Variants in STK32B observed in about 807,000 individuals in gnomAD.
STK32B encodes serine/threonine kinase 32B.
STK32B carries 43 observed loss-of-function variants against 52.6 expected under a neutral mutation model. That is an observed-to-expected ratio of 0.82 (90% CI 0.64 to 1.05). The LOEUF is 1.05. Among genes scored for constraint, STK32B ranks in the 50% least tolerant of loss-of-function variants. The probability of loss-of-function intolerance (pLI) is 0.00; values close to 1 mark genes in which losing one functional copy is unlikely to be tolerated. For missense variants in STK32B, 621 were observed against 534.6 expected (o/e 1.16, Z -1.59); for synonymous variants, 238 against 204.3 (o/e 1.17, Z -1.41).
rs900272584 is a variant in STK32B, at chr4:5,496,191, C to T, written c.1107-2754C>T. Among the ~76,000 whole-genome samples, 3 of 152,250 alleles carry T rather than the reference C, an allele frequency of 2.0e-5. 1 individual carries two copies. The South Asian group carries it at 6.2e-4, about 31-fold the overall frequency. ...GCCCTGCCCCCAGAGGTGGAGCCTACAGAGGCAGGCAAGCCTCCTTGAGCT... is the reference window on the plus strand; with the variant it reads ...GCCCTGCCCCCAGAGGTGGAGCCTATAGAGGCAGGCAAGCCTCCTTGAGCT... On this transcript the variant is annotated intron_variant, in intron 11 of 11. Coordinates refer to ENST00000282908, the MANE Select transcript of STK32B (RefSeq NM_018401.3).
At position 5,219,857 on chromosome 4, in the gene STK32B, T is replaced by C. The variant is rs940983376; in HGVS notation, c.260+51407T>C. ...GCTTATTTCTGTCACTAGCCGCTTT[T>C]TGGAGATTGTTGCTTTGGTGCAGGA... is the stretch of plus-strand genomic sequence containing the variant. On this transcript the variant is annotated intron_variant, in intron 3 of 11. Coordinates refer to ENST00000282908, the MANE Select transcript of STK32B (RefSeq NM_018401.3). Among the ~76,000 whole-genome samples the C allele has an allele frequency of 1.3e-5, 2 of 152,174 alleles. 1 individual carries two copies. Among genetic ancestry groups the C allele is most frequent in the East Asian group, 3.8e-4 (2 of 5,198 alleles).
intron 3 of STK32B, among the ~76,000 whole-genome samples, chr4:5,275,552 T>C (rs1353035611): frequency 6.6e-6 from 1 of 152,010 alleles, no homozygotes; most frequent in African/African-American, 2.4e-5. Flanking sequence ...TTGAACCTTC[T>C]GTGAATCAGT....
chr4:5,102,706 T>G (rs1343603404), intron 1 of STK32B, among the ~76,000 whole-genome samples: 2 of 151,482 alleles, frequency 1.3e-5, no homozygotes, highest in African/African-American at 4.8e-5. Flanking sequence ...TAATTTTTTT[T>G]TTTGTTTTTA....
chr4:5,417,021 C>G, intron 6 of STK32B, 87 bp downstream of exon 6: 1 of 1,202,930 alleles, frequency 8.3e-7, no homozygotes, highest in Non-Finnish European at 1.2e-6. Flanking sequence ...TGCCACTGCC[C>G]GCTGCCACAT....
intron 1 of STK32B, among the ~76,000 whole-genome samples, chr4:5,113,495 C>A (rs955211889): frequency 1.3e-5 from 2 of 151,820 alleles, no homozygotes; most frequent in Non-Finnish European, 2.9e-5. Context: ...ATAAGTACTT[C>A]GTGTTATAAG....
intron 3 of STK32B, among the ~76,000 whole-genome samples, chr4:5,286,261 C>G (rs1178664262): frequency 1.3e-5 from 2 of 152,156 alleles, no homozygotes; most frequent in Admixed American, 1.3e-4. Context: ...AGATGAGCCA[C>G]AAAACTAGAC....
At chr4:5,307,237 A>G (rs1205795761) in intron 3 of STK32B, among the ~76,000 whole-genome samples, 1 of 152,178 alleles carries the variant, frequency 6.6e-6, no homozygotes, top group East Asian at 1.9e-4. Context: ...CTTGTTTTCC[A>G]AACTTTTAGA....
intron 11 of STK32B, among the ~76,000 whole-genome samples, chr4:5,488,572 T>C (rs1281421589): frequency 1.3e-5 from 2 of 152,204 alleles, no homozygotes; most frequent in Non-Finnish European, 2.9e-5. Flanking sequence ...AAATTTCCCT[T>C]TCACAAGCCT....
In STK32B at chr4:5,139,250, G is replaced by A. The variant is rs189404958; in HGVS notation, c.53-655G>A. Reference sequence around the variant, plus strand: ...TTTTGCACATATAGGACCAGTGAACGTTGAGACCACTCATCCTGCATTCTG... The same window carrying A: ...TTTTGCACATATAGGACCAGTGAACATTGAGACCACTCATCCTGCATTCTG... On this transcript the variant is annotated intron_variant, in intron 1 of 11. Transcript: ENST00000282908. Among the ~76,000 whole-genome samples the A allele has an allele frequency of 7.7e-4, 117 of 152,246 alleles. No homozygotes were observed. In the Middle Eastern group the frequency reaches 0.01, roughly 13 times the overall value.
At chr4:5,160,260 T>C (rs936991601) in intron 2 of STK32B, among the ~76,000 whole-genome samples, 1 of 152,180 alleles carries the variant, frequency 6.6e-6, no homozygotes, top group African/African-American at 2.4e-5. Flanking sequence ...AGATGGATGC[T>C]GATCACACAA....
intron 3 of STK32B, among the ~76,000 whole-genome samples, chr4:5,240,874 A>G (rs905220413): frequency 7.9e-5 from 12 of 152,280 alleles, no homozygotes; most frequent in African/African-American, 2.6e-4. Context: ...ATTTGTGTGT[A>G]TCTGAGCTCA....
At chr4:5,354,587 A>G (rs1415012148) in intron 4 of STK32B, among the ~76,000 whole-genome samples, 3 of 152,338 alleles carry the variant, frequency 2.0e-5, no homozygotes, top group Non-Finnish European at 4.4e-5. Flanking sequence ...GTGAGTTCTA[A>G]TGCTCCATAG....
At chr4:5,319,579 A>G (rs1183322406) in intron 3 of STK32B, among the ~76,000 whole-genome samples, 5 of 152,080 alleles carry the variant, frequency 3.3e-5, no homozygotes, top group Admixed American at 2.6e-4. Flanking sequence ...GCACCCAGGC[A>G]TACAGAGCTG....
intron 3 of STK32B, among the ~76,000 whole-genome samples, chr4:5,198,975 G>C (rs1032763960): frequency 6.6e-6 from 1 of 152,124 alleles, no homozygotes; most frequent in Non-Finnish European, 1.5e-5. Context: ...ATCAGCCTAA[G>C]CCACTCTGAC....
chr4:5,293,012 G>C (rs938373678), intron 3 of STK32B, among the ~76,000 whole-genome samples: 4 of 151,934 alleles, frequency 2.6e-5, no homozygotes, highest in Non-Finnish European at 4.4e-5. Flanking sequence ...TCATTGTTCA[G>C]CTCCCACTTA....
chr4:5,050,708 G>C (rs1415781941), upstream of STK32B, among the ~76,000 whole-genome samples: 1 of 152,202 alleles, frequency 6.6e-6, no homozygotes, highest in Non-Finnish European at 1.5e-5. Flanking sequence ...CCCTCAGGGA[G>C]CGTCCTGGGA....
At chr4:5,241,505 A>G (rs1046073659) in intron 3 of STK32B, among the ~76,000 whole-genome samples, 1 of 152,180 alleles carries the variant, frequency 6.6e-6, no homozygotes, top group African/African-American at 2.4e-5. Context: ...AATCCATTGG[A>G]ATTCCAAAAC....
At chr4:5,172,088 C>G (rs1286008305) in intron 3 of STK32B, among the ~76,000 whole-genome samples, 1 of 148,670 alleles carries the variant, frequency 6.7e-6, no homozygotes. Context: ...TGGGAGTTAA[C>G]TCATGATTTG....
At chr4:5,468,812 T>C (rs1374519306) in intron 11 of STK32B, among the ~76,000 whole-genome samples, 1 of 152,038 alleles carries the variant, frequency 6.6e-6, no homozygotes, top group Non-Finnish European at 1.5e-5. Context: ...CCTGTAATTC[T>C]AGCATTTTGG....
Sources: gnomAD v4.1 joint callset for allele counts (sites outside exome capture counted in the v4.1 genomes callset) on GRCh38, gnomAD v4.1.1 for gene constraint, MANE v1.5 for transcripts, NCBI Gene and HGNC (gene_info 2026-07-23, HGNC 2026-07-21) for gene names.